The following ERBB4 variants were observed in gnomAD, a reference collection of about 807,000 sequenced individuals.
ERBB4 encodes the protein receptor tyrosine-protein kinase erbB-4.
A neutral mutation model predicts 158.0 loss-of-function variants in ERBB4; 42 were observed. The observed-to-expected ratio is 0.27, with a 90% CI of 0.21 to 0.34. ERBB4 has a LOEUF of 0.34. Ranked by LOEUF, ERBB4 falls within the 10% of genes least tolerant of loss-of-function variation. ERBB4 has a pLI of 1.00. For missense variants in ERBB4, 1,333 were observed against 1,624.1 expected (o/e 0.82, Z 3.08); for synonymous variants, 583 against 558.7 (o/e 1.04, Z -0.61).
At chr2:211,825,320 C>T (rs79090021) in intron 3 of ERBB4, among the ~76,000 whole-genome samples, 1 of 151,746 alleles carries the variant, frequency 6.6e-6, no homozygotes, top group African/African-American at 2.4e-5. Flanking sequence ...ATTGAGAATA[C>T]ATACTTATAG....
intron 2 of ERBB4, among the ~76,000 whole-genome samples, chr2:211,988,753 C>A (rs1329072143): frequency 6.6e-6 from 1 of 152,040 alleles, no homozygotes; most frequent in Non-Finnish European, 1.5e-5. Context: ...TCTTCATCCA[C>A]TTCTCTTTAA....
chr2:211,482,012 AAG>A (rs2065094621), intron 20 of ERBB4, among the ~76,000 whole-genome samples: 1 of 152,162 alleles, frequency 6.6e-6, no homozygotes, highest in Admixed American at 6.5e-5. Context: ...GTCACAGTGC[AAG>A]GAGAGGGAAT....
intron 1 of ERBB4, among the ~76,000 whole-genome samples, chr2:212,505,412 AAG>A: frequency 1.3e-5 from 2 of 149,710 alleles, no homozygotes; most frequent in Non-Finnish European, 1.5e-5. Context: ...CTCACTCTTG[AAG>A]AGAGTGAGTA....
chr2:212,129,042 T>A (rs2080029123), intron 1 of ERBB4, among the ~76,000 whole-genome samples: 1 of 152,046 alleles, frequency 6.6e-6, no homozygotes, highest in African/African-American at 2.4e-5. Flanking sequence ...GTTTATGAAA[T>A]ATAGATTTTA....
intron 1 of ERBB4, among the ~76,000 whole-genome samples, chr2:212,250,528 A>T (rs1008479928): frequency 2.6e-5 from 4 of 151,980 alleles, no homozygotes; most frequent in Non-Finnish European, 5.9e-5. Flanking sequence ...ATTTAACTTC[A>T]TTGAGTAATG....
At chr2:212,232,092 T>G (rs187648963) in intron 1 of ERBB4, among the ~76,000 whole-genome samples, 1 of 152,316 alleles carries the variant, frequency 6.6e-6, no homozygotes, top group Admixed American at 6.5e-5. Context: ...TGCATCAGTC[T>G]TCTCATCTGT....
intron 1 of ERBB4, among the ~76,000 whole-genome samples, chr2:212,192,024 A>ATCTAT (rs1559707242): frequency 1.3e-4 from 5 of 39,286 alleles, no homozygotes; most frequent in African/African-American, 5.5e-4. Flanking sequence ...GTTATATGTT[A>ATCTAT]TATATGTTAT....
At chr2:212,065,509 TAA>T (rs1336599744) in intron 2 of ERBB4, among the ~76,000 whole-genome samples, 1 of 152,118 alleles carries the variant, frequency 6.6e-6, no homozygotes, top group East Asian at 1.9e-4. Context: ...AACATATTTA[TAA>T]ATGTCTAAGT....
chr2:211,536,958 C>T (rs2066672652), intron 20 of ERBB4, among the ~76,000 whole-genome samples: 1 of 151,982 alleles, frequency 6.6e-6, no homozygotes, highest in African/African-American at 2.4e-5. Flanking sequence ...AAAAAACCAC[C>T]TCTGTAAAGA....
chr2:211,635,217 C>A (rs553272015), intron 16 of ERBB4, among the ~76,000 whole-genome samples: 7 of 152,256 alleles, frequency 4.6e-5, no homozygotes, highest in African/African-American at 1.7e-4. Context: ...TGATAGTTTA[C>A]CTTATTCTGT....
At chr2:211,463,246 T>G (rs751949532) in intron 20 of ERBB4, among the ~76,000 whole-genome samples, 1 of 152,144 alleles carries the variant, frequency 6.6e-6, no homozygotes, top group Non-Finnish European at 1.5e-5. Flanking sequence ...GGAGCTATAG[T>G]TTTTAGTTTC....
intron 1 of ERBB4, among the ~76,000 whole-genome samples, chr2:212,189,116 T>G (rs2082115868): frequency 1.3e-5 from 2 of 148,480 alleles, no homozygotes. Flanking sequence ...ATTTGCATAA[T>G]ACCAGTTTAG....
At chr2:211,736,903 G>C (rs1482752399) in intron 5 of ERBB4, among the ~76,000 whole-genome samples, 1 of 152,030 alleles carries the variant, frequency 6.6e-6, no homozygotes, top group Non-Finnish European at 1.5e-5. Context: ...AAGCTTTTAT[G>C]CATGATTAAT....
At chr2:211,452,835 A>G (rs1206555224) in intron 20 of ERBB4, among the ~76,000 whole-genome samples, 1 of 152,192 alleles carries the variant, frequency 6.6e-6, no homozygotes, top group African/African-American at 2.4e-5. Flanking sequence ...ATTGATTCTA[A>G]TAATAGTTTA....
At chr2:212,062,712 C>A (rs981250429) in intron 2 of ERBB4, among the ~76,000 whole-genome samples, 2 of 152,006 alleles carry the variant, frequency 1.3e-5, no homozygotes, top group African/African-American at 4.8e-5. Context: ...GCCCTCAATT[C>A]TTTAAAACAG....
At chr2:212,215,260 T>C (rs377467320) in intron 1 of ERBB4, among the ~76,000 whole-genome samples, 1 of 151,448 alleles carries the variant, frequency 6.6e-6, no homozygotes, top group East Asian at 1.9e-4. Context: ...AAATTTTTCA[T>C]AGAAATTCTA....
At chr2:212,405,860 A>C (rs1405064013) in intron 1 of ERBB4, among the ~76,000 whole-genome samples, 1 of 152,108 alleles carries the variant, frequency 6.6e-6, no homozygotes. Flanking sequence ...GATGAATTTG[A>C]ATACAACACT....
intron 7 of ERBB4, among the ~76,000 whole-genome samples, chr2:211,722,108 A>C (rs2074117281): frequency 6.6e-6 from 1 of 152,112 alleles, no homozygotes; most frequent in African/African-American, 2.4e-5. Flanking sequence ...GGTGCCACCC[A>C]CCTCGGCCTC....
At chr2:211,665,586 T>C (rs1479370032) in intron 14 of ERBB4, 109 bp from the exon 15 acceptor site, 2 of 1,008,280 alleles carry the variant, frequency 2.0e-6, no homozygotes, top group African/African-American at 1.6e-5. Flanking sequence ...CAAATCTTCC[T>C]CTAAGAGAAT....
Sources: allele counts gnomAD v4.1 joint callset (sites outside exome capture counted in the v4.1 genomes callset), GRCh38; gene constraint gnomAD v4.1.1; transcripts MANE v1.5; gene names NCBI Gene and HGNC (gene_info 2026-07-23, HGNC 2026-07-21).